FGGY: variants seen among roughly 807,000 people sequenced by gnomAD.
The protein encoded by FGGY is FGGY carbohydrate kinase domain-containing protein.
FGGY carries 72 observed loss-of-function variants against 71.3 expected under a neutral mutation model. That is an observed-to-expected ratio of 1.01 (90% CI 0.84 to 1.23). The LOEUF is 1.23. Ranked by LOEUF, FGGY falls within the 50% of genes most tolerant of loss-of-function variation. FGGY has a pLI of 0.00. For synonymous variants in FGGY, 251 were observed against 250.3 expected, an observed-to-expected ratio of 1.00 and a Z score of -0.02; for missense variants, 668 against 682.3, an observed-to-expected ratio of 0.98 and a Z score of 0.23.
At chr1:59,563,064 TC>T (rs1252769769) in intron 8 of FGGY, among the ~76,000 whole-genome samples, 1 of 152,200 alleles carries the variant, frequency 6.6e-6, no homozygotes, top group Non-Finnish European at 1.5e-5. Flanking sequence ...TGACTTCCTC[TC>T]TTCTTATTTG....
At chr1:59,691,583 C>T (rs1212624391) in intron 14 of FGGY, among the ~76,000 whole-genome samples, 1 of 151,720 alleles carries the variant, frequency 6.6e-6, no homozygotes, top group African/African-American at 2.4e-5. Flanking sequence ...TGGGAGGAGT[C>T]AACGAGCTGG....
At chr1:59,591,326 G>T (rs984556187) in intron 8 of FGGY, among the ~76,000 whole-genome samples, 2 of 152,156 alleles carry the variant, frequency 1.3e-5, no homozygotes, top group African/African-American at 4.8e-5. Context: ...CATGCTCATG[G>T]GTAGGAAGAA....
At chr1:59,547,908 C>G (rs1403141580) in intron 7 of FGGY, among the ~76,000 whole-genome samples, 1 of 152,172 alleles carries the variant, frequency 6.6e-6, no homozygotes, top group African/African-American at 2.4e-5. Context: ...TTTATTCATT[C>G]ATTCATTCAT....
intron 14 of FGGY, among the ~76,000 whole-genome samples, chr1:59,744,529 C>A (rs2098178515): frequency 6.6e-6 from 1 of 152,224 alleles, no homozygotes; most frequent in South Asian, 2.1e-4. Flanking sequence ...CCCACCCAAG[C>A]CATTCTGTTA....
intron 14 of FGGY, among the ~76,000 whole-genome samples, chr1:59,735,613 T>A (rs921619819): frequency 2.6e-5 from 4 of 152,200 alleles, no homozygotes. Flanking sequence ...AAGGCAGCTA[T>A]GACTCCTGTT....
At chr1:59,685,530 A>G (rs929652449) in intron 14 of FGGY, among the ~76,000 whole-genome samples, 2 of 152,240 alleles carry the variant, frequency 1.3e-5, no homozygotes, top group African/African-American at 4.8e-5. Flanking sequence ...ATACACATAT[A>G]TATACATATA....
At chr1:59,417,060 G>C (rs667767) in intron 5 of FGGY, among the ~76,000 whole-genome samples, 4,839 of 152,140 alleles carry the variant, frequency 0.032, 235 homozygotes, top group African/African-American at 0.11. Flanking sequence ...CCCAGTATCC[G>C]ATTCCAAAAC....
chr1:59,522,840 A>G (rs72666229), intron 7 of FGGY, among the ~76,000 whole-genome samples: 15,285 of 152,152 alleles, frequency 0.1, 1,592 homozygotes, highest in African/African-American at 0.26. Flanking sequence ...CATCAGCTTT[A>G]GTGCAACCCT....
intron 7 of FGGY, among the ~76,000 whole-genome samples, chr1:59,542,400 T>A (rs2095454257): frequency 6.6e-6 from 1 of 150,668 alleles, no homozygotes; most frequent in Non-Finnish European, 1.5e-5. Context: ...GCTGAACGTG[T>A]GACAGCACTG....
intron 4 of FGGY, among the ~76,000 whole-genome samples, chr1:59,348,025 C>A (rs927547724): frequency 6.6e-6 from 1 of 152,130 alleles, no homozygotes; most frequent in African/African-American, 2.4e-5. Flanking sequence ...AGGCAACCTA[C>A]AGAATGGGAG....
At chr1:59,414,607 G>A (rs377240370) in intron 5 of FGGY, among the ~76,000 whole-genome samples, 35 of 152,176 alleles carry the variant, frequency 2.3e-4, no homozygotes, top group African/African-American at 7.7e-4. Flanking sequence ...GGGGTAATCC[G>A]AGAAGAGTGG....
chr1:59,533,822 C>A (rs1039782860), intron 7 of FGGY, among the ~76,000 whole-genome samples: 1 of 152,194 alleles, frequency 6.6e-6, no homozygotes, highest in African/African-American at 2.4e-5. Flanking sequence ...ACACCAAAAT[C>A]CCATCTGTAC....
At chr1:59,384,399 T>C (rs1221476879) in intron 5 of FGGY, among the ~76,000 whole-genome samples, 6 of 152,156 alleles carry the variant, frequency 3.9e-5, no homozygotes, top group Non-Finnish European at 7.3e-5. Flanking sequence ...ATTTACTCAA[T>C]ATTTCTGCCT....
chr1:59,397,447 A>T (rs1261027307), intron 5 of FGGY, among the ~76,000 whole-genome samples: 3 of 152,264 alleles, frequency 2.0e-5, no homozygotes, highest in African/African-American at 7.2e-5. Context: ...TGGTGGTATC[A>T]CAACAAGTTT....
At chr1:59,679,950 TATAAA>T (rs2097480063) in intron 14 of FGGY, among the ~76,000 whole-genome samples, 1 of 152,294 alleles carries the variant, frequency 6.6e-6, no homozygotes, top group Non-Finnish European at 1.5e-5. Flanking sequence ...AAATTATCTC[TATAAA>T]ATAAAATTAG....
chr1:59,344,451 A>G (rs1276859975), intron 3 of FGGY, among the ~76,000 whole-genome samples: 2 of 152,228 alleles, frequency 1.3e-5, no homozygotes, highest in East Asian at 1.9e-4. Context: ...AAAAAAAGAT[A>G]TTTGTAACTT....
chr1:59,401,340 GTTA>G (rs761619538), intron 5 of FGGY, among the ~76,000 whole-genome samples: 1 of 152,142 alleles, frequency 6.6e-6, no homozygotes, highest in Non-Finnish European at 1.5e-5. Flanking sequence ...TGAATATTAT[GTTA>G]TTAACAATAA....
At chr1:59,569,176 A>G (rs1428432160) in intron 8 of FGGY, among the ~76,000 whole-genome samples, 1 of 152,216 alleles carries the variant, frequency 6.6e-6, no homozygotes, top group Admixed American at 6.5e-5. Context: ...TAATCCTCAC[A>G]ACAAATATGT....
chr1:59,549,500 T>A (rs191324703), intron 7 of FGGY, among the ~76,000 whole-genome samples: 110 of 152,338 alleles, frequency 7.2e-4, no homozygotes, highest in Non-Finnish European at 1.3e-3. Flanking sequence ...ACTAAATTAC[T>A]TCACCTTTCT....
Sources: gnomAD v4.1 joint callset for allele counts (sites outside exome capture counted in the v4.1 genomes callset) on GRCh38, gnomAD v4.1.1 for gene constraint, MANE v1.5 for transcripts, NCBI Gene and HGNC (gene_info 2026-07-23, HGNC 2026-07-21) for gene names.